The following CCDC148 variants were observed in gnomAD, a reference collection of about 807,000 sequenced individuals.
CCDC148 encodes coiled-coil domain containing 148.
In CCDC148, 89 loss-of-function variants were observed where a neutral mutation model predicts 85.7. The observed-to-expected ratio is 1.04, with a 90% CI of 0.87 to 1.24. The LOEUF is 1.24. Among genes scored for constraint, CCDC148 ranks in the 50% most tolerant of loss-of-function variants. The pLI is 0.00. For synonymous variants in CCDC148, 230 were observed against 213.9 expected (o/e 1.08, Z -0.66); for missense variants, 692 against 671.7 (o/e 1.03, Z -0.33).
chr2:158,249,978 G>T (rs1688722708), intron 10 of CCDC148, among the ~76,000 whole-genome samples: 2 of 152,024 alleles, frequency 1.3e-5, no homozygotes, highest in South Asian at 4.1e-4. Flanking sequence ...TTACTCTGCT[G>T]ATCACAAATT....
chr2:158,438,877 G>A (rs1435712842), intron 1 of CCDC148, among the ~76,000 whole-genome samples: 2 of 152,134 alleles, frequency 1.3e-5, no homozygotes, highest in African/African-American at 4.8e-5. Context: ...ATGAAAAAAT[G>A]CTCATCATCA....
chr2:158,326,681 T>C (rs1470878813), intron 7 of CCDC148, among the ~76,000 whole-genome samples: 1 of 152,124 alleles, frequency 6.6e-6, no homozygotes, highest in Non-Finnish European at 1.5e-5. Flanking sequence ...TTTACCCTTG[T>C]CAATTTTTTT....
At chr2:158,251,869 T>C (rs1206902646) in intron 9 of CCDC148, among the ~76,000 whole-genome samples, 7 of 151,840 alleles carry the variant, frequency 4.6e-5, no homozygotes, top group South Asian at 4.1e-4. Flanking sequence ...AATAATGATA[T>C]TGGTTATCTC....
intron 10 of CCDC148, among the ~76,000 whole-genome samples, chr2:158,228,707 G>A (rs559715122): frequency 6.5e-4 from 95 of 146,476 alleles, no homozygotes; most frequent in African/African-American, 2.3e-3. Context: ...CTATCGCAAG[G>A]ACAAAAAACC....
intron 9 of CCDC148, among the ~76,000 whole-genome samples, chr2:158,267,545 C>G (rs534776311): frequency 6.6e-6 from 1 of 152,306 alleles, no homozygotes; most frequent in South Asian, 2.1e-4. Flanking sequence ...ACATCTACCC[C>G]TAGGTCATAA....
At chr2:158,327,484 C>T (rs1419172576) in intron 7 of CCDC148, among the ~76,000 whole-genome samples, 1 of 152,158 alleles carries the variant, frequency 6.6e-6, no homozygotes, top group African/African-American at 2.4e-5. Flanking sequence ...AACGTGAATG[C>T]CTCACTCCTT....
chr2:158,361,698 C>T (rs182826942), intron 1 of CCDC148, among the ~76,000 whole-genome samples: 7 of 152,244 alleles, frequency 4.6e-5, no homozygotes, highest in East Asian at 1.9e-4. Context: ...AAGGAACAAC[C>T]GGTACCAGCC....
intron 1 of CCDC148, among the ~76,000 whole-genome samples, chr2:158,410,817 C>A (rs143865121): frequency 1.9e-4 from 29 of 152,084 alleles, no homozygotes; most frequent in Non-Finnish European, 2.8e-4. Context: ...CTTTCATATG[C>A]TTTTATGTGT....
intron 11 of CCDC148, among the ~76,000 whole-genome samples, chr2:158,217,331 T>G (rs1032010404): frequency 1.4e-5 from 1 of 70,030 alleles, no homozygotes; most frequent in African/African-American, 3.7e-5. Context: ...TATATATAAT[T>G]TTGTGTATAT....
chr2:158,222,377 C>T, intron 10 of CCDC148, among the ~76,000 whole-genome samples: 1 of 152,066 alleles, frequency 6.6e-6, no homozygotes, highest in Non-Finnish European at 1.5e-5. Flanking sequence ...GAGCTTTTTG[C>T]AATCTCAAGA....
intron 1 of CCDC148, among the ~76,000 whole-genome samples, chr2:158,433,261 A>AATATAT (rs375554012): frequency 2.4e-4 from 30 of 122,596 alleles, no homozygotes; most frequent in Admixed American, 3.2e-4. Flanking sequence ...CCTTGACTCA[A>AATATAT]ATATATATAT....
chr2:158,197,340 G>C (rs940319527), intron 11 of CCDC148, among the ~76,000 whole-genome samples: 6 of 152,028 alleles, frequency 3.9e-5, no homozygotes, highest in African/African-American at 1.4e-4. Context: ...TTACGAAAAA[G>C]TCACTCAAAA....
intron 9 of CCDC148, among the ~76,000 whole-genome samples, chr2:158,278,793 G>C (rs1304178665): frequency 6.6e-6 from 1 of 152,240 alleles, no homozygotes; most frequent in African/African-American, 2.4e-5. Flanking sequence ...CCAGCACGCG[G>C]ATGGAGATCT....
chr2:158,329,302 T>C lies in CCDC148; in HGVS notation c.764+9424A>G, dbSNP rs1370750617. The stretch of plus-strand genomic sequence containing the variant: ...TTCCCCATTGCTTGTTTTTCTCAGA[T>C]TTGTCAAAGATCAGATGGTTGTAGA... On this transcript the variant is annotated intron_variant, in intron 7 of 13. Transcript: ENST00000283233. 3.9e-5 allele frequency among the ~76,000 whole-genome samples: 6 copies of C among 152,338 alleles called. No individual in the cohort carries two copies. In the East Asian group the frequency reaches 1.2e-3, roughly 29 times the overall value.
chr2:158,421,568 C>T (rs111705083), intron 1 of CCDC148, among the ~76,000 whole-genome samples: 5 of 152,262 alleles, frequency 3.3e-5, no homozygotes, highest in African/African-American at 1.2e-4. Flanking sequence ...ATACCACCAC[C>T]TCTGGGACAC....
At chr2:158,228,118 A>T (rs1256713128) in intron 10 of CCDC148, among the ~76,000 whole-genome samples, 1 of 152,186 alleles carries the variant, frequency 6.6e-6, no homozygotes, top group Non-Finnish European at 1.5e-5. Context: ...CAAGAAAAAA[A>T]CAAACAACCC....
At chr2:158,397,063 C>T (rs1685553312) in intron 1 of CCDC148, among the ~76,000 whole-genome samples, 1 of 152,034 alleles carries the variant, frequency 6.6e-6, no homozygotes, top group East Asian at 1.9e-4. Flanking sequence ...GAAGTGAGAG[C>T]ACTCCCACTC....
At chr2:158,301,206 G>A (rs941342618) in intron 9 of CCDC148, among the ~76,000 whole-genome samples, 6 of 152,194 alleles carry the variant, frequency 3.9e-5, no homozygotes, top group Admixed American at 2.0e-4. Flanking sequence ...TAGAGAAAGG[G>A]TTTCTCAAGG....
intron 9 of CCDC148, among the ~76,000 whole-genome samples, chr2:158,293,771 T>A (rs549846047): frequency 1.3e-3 from 200 of 152,352 alleles, no homozygotes; most frequent in Non-Finnish European, 2.6e-3. Flanking sequence ...GTCTGCTAGT[T>A]GTCCCTGTTA....
Sources: gnomAD v4.1 joint callset for allele counts (sites outside exome capture counted in the v4.1 genomes callset) on GRCh38, gnomAD v4.1.1 for gene constraint, MANE v1.5 for transcripts, NCBI Gene and HGNC (gene_info 2026-07-23, HGNC 2026-07-21) for gene names.